The following LTBP1 variants were observed in gnomAD, a reference collection of about 807,000 sequenced individuals.
LTBP1 encodes the protein latent-transforming growth factor beta-binding protein 1.
In LTBP1, 129 loss-of-function variants were observed where a neutral mutation model predicts 207.6. That is an observed-to-expected ratio of 0.62 (90% CI 0.54 to 0.72). LTBP1 has a LOEUF of 0.72. LTBP1 is among the 30% of genes least tolerant of loss of function. LTBP1 has a pLI of 0.00. For synonymous variants in LTBP1, 963 were observed against 833.7 expected, an observed-to-expected ratio of 1.16 and a Z score of -2.67; for missense variants, 2,281 against 2,217.2, an observed-to-expected ratio of 1.03 and a Z score of -0.58.
chr2:33,105,664 C>G lies in LTBP1; in HGVS notation c.864-4918C>G, dbSNP rs1032988926. Among the ~76,000 whole-genome samples, 21 of 152,180 alleles carry G rather than the reference C, an allele frequency of 1.4e-4. No homozygotes were observed. In the South Asian group the frequency reaches 3.1e-3, roughly 23 times the overall value. On this transcript the variant is annotated intron_variant, in intron 3 of 33. Coordinates refer to ENST00000404816, the MANE Select transcript of LTBP1 (RefSeq NM_206943.4). ...GCTAGGCTGGTCTTGAACTTGCGACCTCAGGTGATCCACCCGCTTCGGCCT... is the reference window on the plus strand; with the variant it reads ...GCTAGGCTGGTCTTGAACTTGCGACGTCAGGTGATCCACCCGCTTCGGCCT...
At chr2:33,168,516 A>T (rs1025887574) in intron 5 of LTBP1, among the ~76,000 whole-genome samples, 2 of 152,182 alleles carry the variant, frequency 1.3e-5, no homozygotes, top group African/African-American at 4.8e-5. Flanking sequence ...TTGTCTTACA[A>T]ATTTTTAATA....
At chr2:33,157,823 G>A (rs1470674893) in intron 5 of LTBP1, among the ~76,000 whole-genome samples, 2 of 152,090 alleles carry the variant, frequency 1.3e-5, no homozygotes, top group Admixed American at 6.6e-5. Flanking sequence ...TGGGTTACTG[G>A]GAAAAGCTGG....
At chr2:33,328,135 CAATAAATAAATA>C (rs535099037) in intron 24 of LTBP1, among the ~76,000 whole-genome samples, 2,254 of 134,188 alleles carry the variant, frequency 0.017, 69 homozygotes, top group African/African-American at 0.064. Context: ...GACTCTGTCT[CAATAAATAAATA>C]AATAAATAAA....
intron 31 of LTBP1, among the ~76,000 whole-genome samples, chr2:33,386,771 A>AC (rs1482720372): frequency 2.0e-5 from 3 of 151,536 alleles, no homozygotes; most frequent in African/African-American, 4.9e-5. Context: ...GCTGCAGTGA[A>AC]CCACGATACC....
At chr2:32,973,459 A>G (rs1217249802) in intron 2 of LTBP1, among the ~76,000 whole-genome samples, 4 of 152,080 alleles carry the variant, frequency 2.6e-5, no homozygotes, top group Non-Finnish European at 4.4e-5. Context: ...TTTTGTGGGT[A>G]CACAGTAGGT....
chr2:33,147,669 G>C (rs767865623), intron 5 of LTBP1, among the ~76,000 whole-genome samples: 2 of 152,196 alleles, frequency 1.3e-5, no homozygotes, highest in Non-Finnish European at 2.9e-5. Context: ...CATTCTGCGA[G>C]GCAGCGTCTC....
chr2:32,959,613 A>ATTTTTTT lies in LTBP1; in HGVS notation c.565+10669_565+10670insTTTTTTT, dbSNP rs71407488. Reference sequence around the variant, plus strand: ...TATGTACGTGTATATATATATATATATATATATATTTTTTTTTTTTTTTTT... The same window carrying ATTTTTTT: ...TATGTACGTGTATATATATATATATATTTTTTTTATATATATTTTTTTTTTTTTTTTT... On this transcript the variant is annotated intron_variant, in intron 2 of 33. Transcript: ENST00000404816. Among the ~76,000 whole-genome samples, 41 of 36,748 alleles carry ATTTTTTT rather than the reference A, an allele frequency of 1.1e-3. 1 individual carries two copies. Among genetic ancestry groups the ATTTTTTT allele is most frequent in the Non-Finnish European group, 1.8e-3 (35 of 19,418 alleles). 24.1% of individuals were successfully genotyped at this position (36,748 alleles called of 152,430 possible).
At chr2:33,267,514 C>G (rs1220461169) in intron 15 of LTBP1, among the ~76,000 whole-genome samples, 3 of 152,152 alleles carry the variant, frequency 2.0e-5, no homozygotes, top group African/African-American at 7.2e-5. Flanking sequence ...CTTTATTGAG[C>G]ACACTGATAA....
intron 5 of LTBP1, among the ~76,000 whole-genome samples, chr2:33,173,421 C>G (rs1347376182): frequency 1.3e-5 from 2 of 152,166 alleles, no homozygotes; most frequent in African/African-American, 4.8e-5. Context: ...TGGATAAATT[C>G]CTTGACACAT....
intron 18 of LTBP1, among the ~76,000 whole-genome samples, chr2:33,277,287 A>G (rs1033824818): frequency 6.6e-6 from 1 of 152,150 alleles, no homozygotes; most frequent in African/African-American, 2.4e-5. Flanking sequence ...TCTGATCAGC[A>G]TGGAGTTTTG....
chr2:33,302,986 A>C (rs796950031), intron 22 of LTBP1, among the ~76,000 whole-genome samples: 34 of 137,644 alleles, frequency 2.5e-4, no homozygotes, highest in Admixed American at 1.1e-3. Flanking sequence ...CACACACACA[A>C]ACACACACAA....
At chr2:33,227,826 G>A (rs1412269955) in intron 9 of LTBP1, among the ~76,000 whole-genome samples, 1 of 45,880 alleles carries the variant, frequency 2.2e-5, no homozygotes, top group Non-Finnish European at 4.3e-5. Flanking sequence ...TTTTTTTTTT[G>A]ACAGAGTCTC....
intron 22 of LTBP1, among the ~76,000 whole-genome samples, chr2:33,307,560 A>G (rs533603205): frequency 1.3e-5 from 2 of 152,232 alleles, no homozygotes; most frequent in Non-Finnish European, 2.9e-5. Context: ...GAGGGAATGT[A>G]TTGGGGATGG....
intron 7 of LTBP1, among the ~76,000 whole-genome samples, chr2:33,200,504 A>T (rs1256319405): frequency 1.3e-5 from 2 of 152,214 alleles, no homozygotes; most frequent in Non-Finnish European, 2.9e-5. Flanking sequence ...TAAACGTTAG[A>T]CCTAAAACCA....
At chr2:33,201,633 A>AT (rs1396301011) in intron 7 of LTBP1, among the ~76,000 whole-genome samples, 1 of 143,456 alleles carries the variant, frequency 7.0e-6, no homozygotes, top group Admixed American at 7.2e-5. Flanking sequence ...TATAATGATA[A>AT]TAAAAAAAAA....
At chr2:33,382,111 T>TTTTTTTTTTTTTTTTG (rs1553316521) in intron 31 of LTBP1, among the ~76,000 whole-genome samples, 3 of 103,622 alleles carry the variant, frequency 2.9e-5, no homozygotes, top group African/African-American at 1.5e-4. Flanking sequence ...TTTTTTTTTT[T>TTTTTTTTTTTTTTTTG]TGAGACAGAG....
intron 22 of LTBP1, 124 bp downstream of exon 22, chr2:33,301,768 C>A: frequency 2.5e-6 from 2 of 808,108 alleles, no homozygotes; most frequent in Non-Finnish European, 3.6e-6. Context: ...TAGGTCCCTG[C>A]AAAGTGTCTT....
chr2:33,315,105 A>AC (rs2094248169), intron 23 of LTBP1, 39 bp from the exon 24 acceptor site: 1 of 1,562,968 alleles, frequency 6.4e-7, no homozygotes. Context: ...AATGAAACCG[A>AC]TTTTTTTCAA....
At chr2:33,028,466 A>G (rs1271343424) in intron 3 of LTBP1, among the ~76,000 whole-genome samples, 3 of 152,108 alleles carry the variant, frequency 2.0e-5, no homozygotes, top group African/African-American at 7.2e-5. Flanking sequence ...TCAGGAGTTG[A>G]AGACCAGCCT....
Sources: allele counts gnomAD v4.1 joint callset (sites outside exome capture counted in the v4.1 genomes callset), GRCh38; gene constraint gnomAD v4.1.1; transcripts MANE v1.5; gene names NCBI Gene and HGNC (gene_info 2026-07-23, HGNC 2026-07-21).